FGF14: variants seen among roughly 807,000 people sequenced by gnomAD.
FGF14 encodes fibroblast growth factor 14.
Under a neutral mutation model 25.5 loss-of-function variants are expected in FGF14, and 5 were observed. That is an observed-to-expected ratio of 0.20 (90% CI 0.10 to 0.41). The LOEUF is 0.41. Ranked by LOEUF, FGF14 falls within the 10% of genes least tolerant of loss-of-function variation. The probability of loss-of-function intolerance (pLI) is 1.00; values close to 1 mark genes in which losing one functional copy is unlikely to be tolerated. For missense variants in FGF14, 222 were observed against 320.1 expected, an observed-to-expected ratio of 0.69 and a Z score of 2.34; for synonymous variants, 138 against 118.3, an observed-to-expected ratio of 1.17 and a Z score of -1.08.
chr13:102,368,213 CATAAA>C lies in FGF14; in HGVS notation c.208+33253_208+33257del, dbSNP rs2057773906. On this transcript the variant is annotated intron_variant, in intron 1 of 4. Transcript: ENST00000376131. ...AATCTAGCCTATTTTAATTCACGTA[CATAAA>C]ATAATACTTATTTTGATAATTAAAT... 2.6e-5 allele frequency among the ~76,000 whole-genome samples: 4 copies of C among 152,286 alleles called. No individual in the cohort carries two copies. The South Asian group carries it at 8.3e-4, about 32-fold the overall frequency.
intron 1 of FGF14, among the ~76,000 whole-genome samples, chr13:102,161,649 G>GTC (rs1566765170): frequency 0.081 from 1,216 of 14,968 alleles, 125 homozygotes; most frequent in East Asian, 0.22. Context: ...AGAAGAAGAA[G>GTC]AAGAAGAAGA....
At chr13:102,043,886 C>T (rs2041859356) in intron 1 of FGF14, among the ~76,000 whole-genome samples, 1 of 152,164 alleles carries the variant, frequency 6.6e-6, no homozygotes, top group African/African-American at 2.4e-5. Flanking sequence ...TCCTACCTAG[C>T]AACTGGATTG....
intron 1 of FGF14, among the ~76,000 whole-genome samples, chr13:102,110,452 T>C (rs1051792542): frequency 2.0e-5 from 3 of 152,194 alleles, no homozygotes; most frequent in South Asian, 2.1e-4. Flanking sequence ...AGGCTGACTA[T>C]GGCCGCAACT....
intron 3 of FGF14, among the ~76,000 whole-genome samples, chr13:101,738,094 T>A (rs2036302945): frequency 6.6e-6 from 1 of 152,120 alleles, no homozygotes; most frequent in African/African-American, 2.4e-5. Flanking sequence ...GTATACTAAA[T>A]TTGATACAAT....
At chr13:102,069,604 A>G (rs1246141144) in intron 1 of FGF14, among the ~76,000 whole-genome samples, 1 of 151,820 alleles carries the variant, frequency 6.6e-6, no homozygotes, top group East Asian at 1.9e-4. Context: ...AGGAACGAAC[A>G]ACTCCAGATG....
chr13:101,813,183 C>T (rs1400660487), intron 3 of FGF14, among the ~76,000 whole-genome samples: 1 of 152,092 alleles, frequency 6.6e-6, no homozygotes, highest in Non-Finnish European at 1.5e-5. Flanking sequence ...GCATCCAGAT[C>T]TCCTGAATTT....
intron 3 of FGF14, among the ~76,000 whole-genome samples, chr13:101,735,661 TC>T (rs1566834459): frequency 7.0e-6 from 1 of 143,118 alleles, no homozygotes; most frequent in African/African-American, 2.8e-5. Context: ...TTGCCAATTA[TC>T]CCCATAGGAA....
intron 3 of FGF14, among the ~76,000 whole-genome samples, chr13:101,771,573 C>T (rs2038772008): frequency 6.6e-6 from 1 of 152,018 alleles, no homozygotes; most frequent in South Asian, 2.1e-4. Flanking sequence ...TTTTAGACTT[C>T]AGGCAAATAC....
chr13:102,266,526 A>G (rs367887609), intron 1 of FGF14, among the ~76,000 whole-genome samples: 1 of 152,170 alleles, frequency 6.6e-6, no homozygotes, highest in African/African-American at 2.4e-5. Context: ...GAAAGAAGCA[A>G]AGATCAGATA....
chr13:101,964,978 A>G (rs71441533), intron 1 of FGF14, among the ~76,000 whole-genome samples: 28,329 of 152,026 alleles, frequency 0.19, 2,913 homozygotes, highest in Admixed American at 0.31. Context: ...ATAGTGGGTC[A>G]TGCCTGTAAT....
At chr13:102,127,862 A>G (rs559601425) in intron 1 of FGF14, among the ~76,000 whole-genome samples, 3 of 152,354 alleles carry the variant, frequency 2.0e-5, no homozygotes, top group African/African-American at 7.2e-5. Flanking sequence ...CATGTTAGCT[A>G]TGGAGTCTCA....
chr13:101,983,706 T>A (rs1463204891), intron 1 of FGF14, among the ~76,000 whole-genome samples: 27 of 152,170 alleles, frequency 1.8e-4, no homozygotes. Context: ...GACCTTGAGT[T>A]AGTATTGACA....
Position 101,715,652 on chromosome 13 carries a change from TAAC to T in FGF14, c.*7176_*7178del. The T allele has an allele frequency of 6.3e-7, 1 of 1,598,550 alleles. No individual in the cohort carries two copies. Among genetic ancestry groups the T allele is most frequent in the East Asian group, 2.2e-5 (1 of 44,774 alleles). On this transcript the variant is annotated 3_prime_UTR_variant, in exon 5 of 5. Coordinates refer to ENST00000376143, the MANE Select transcript of FGF14 (RefSeq NM_004115.4). ...AATCTGGCTTGGCTCAGAATATCCT[TAAC>T]AATTACATGAGAGAGGTCTGGATTC...
chr13:101,875,156 T>A, intron 2 of FGF14, 30 bp downstream of exon 2: 1 of 1,422,940 alleles, frequency 7.0e-7, no homozygotes, highest in Non-Finnish European at 9.9e-7. Context: ...CTACCAACTA[T>A]GTAACTGGTG....
intron 1 of FGF14, among the ~76,000 whole-genome samples, chr13:102,124,105 T>C (rs981275192): frequency 9.9e-5 from 15 of 152,146 alleles, no homozygotes; most frequent in Admixed American, 7.2e-4. Flanking sequence ...GAATGAGAAA[T>C]GTTCATGCTC....
intron 3 of FGF14, among the ~76,000 whole-genome samples, chr13:101,776,718 GGT>G (rs2039131561): frequency 6.6e-6 from 1 of 152,092 alleles, no homozygotes; most frequent in Admixed American, 6.6e-5. Context: ...TGTGTCTCCT[GGT>G]AATTTATGTG....
chr13:102,075,511 A>C (rs1337853315), intron 1 of FGF14, among the ~76,000 whole-genome samples: 1 of 152,238 alleles, frequency 6.6e-6, no homozygotes, highest in Non-Finnish European at 1.5e-5. Context: ...CCAGTCATCT[A>C]AAATATGTAA....
chr13:102,308,234 C>T (rs997717916), intron 1 of FGF14, among the ~76,000 whole-genome samples: 17 of 152,152 alleles, frequency 1.1e-4, no homozygotes, highest in Non-Finnish European at 1.3e-4. Flanking sequence ...GGCTGCACAT[C>T]CACCAAGTGG....
chr13:102,256,102 G>C (rs567367721), intron 1 of FGF14, among the ~76,000 whole-genome samples: 6 of 152,266 alleles, frequency 3.9e-5, no homozygotes, highest in African/African-American at 1.4e-4. Flanking sequence ...CTCTAAATCA[G>C]GATGGAGCAG....
Sources: gnomAD v4.1 joint callset for allele counts (sites outside exome capture counted in the v4.1 genomes callset) on GRCh38, gnomAD v4.1.1 for gene constraint, MANE v1.5 for transcripts, NCBI Gene and HGNC (gene_info 2026-07-23, HGNC 2026-07-21) for gene names.